Variants in PTPRD observed in about 807,000 individuals in gnomAD.
PTPRD encodes receptor-type tyrosine-protein phosphatase delta.
A neutral mutation model predicts 214.5 loss-of-function variants in PTPRD; 34 were observed. The observed-to-expected ratio is 0.16, with a 90% CI of 0.12 to 0.21. The LOEUF (loss-of-function observed/expected upper bound fraction) is 0.21, where lower values mean the gene tolerates loss of function less well. PTPRD is among the 10% of genes least tolerant of loss of function. The pLI is 1.00. For missense variants in PTPRD, 2,545 were observed against 2,398.7 expected, an observed-to-expected ratio of 1.06 and a Z score of -1.27; for synonymous variants, 1,128 against 845.7, an observed-to-expected ratio of 1.33 and a Z score of -5.79.
intron 37 of PTPRD, among the ~76,000 whole-genome samples, chr9:8,378,735 A>G (rs2084015902): frequency 6.6e-6 from 1 of 152,140 alleles, no homozygotes; most frequent in Non-Finnish European, 1.5e-5. Context: ...AGCCAGTTCA[A>G]TGCACTGAAC....
intron 10 of PTPRD, among the ~76,000 whole-genome samples, chr9:9,121,120 T>C (rs1233527260): frequency 1.3e-5 from 2 of 152,222 alleles, no homozygotes; most frequent in East Asian, 1.9e-4. Context: ...ATAATTTCTC[T>C]TGTAGTAAAC....
intron 5 of PTPRD, among the ~76,000 whole-genome samples, chr9:9,850,381 C>T (rs1278211082): frequency 6.6e-6 from 1 of 152,004 alleles, no homozygotes; most frequent in Non-Finnish European, 1.5e-5. Context: ...AGTAGTATTG[C>T]TATTGTCCTG....
intron 2 of PTPRD, among the ~76,000 whole-genome samples, chr9:10,545,923 C>T (rs555655404): frequency 2.0e-5 from 3 of 152,236 alleles, no homozygotes; most frequent in African/African-American, 7.2e-5. Flanking sequence ...TCAAATTAGG[C>T]TGGCATATTA....
At chr9:8,431,576 A>G (rs2095056824) in intron 35 of PTPRD, among the ~76,000 whole-genome samples, 1 of 152,218 alleles carries the variant, frequency 6.6e-6, no homozygotes, top group South Asian at 2.1e-4. Flanking sequence ...TAAATTTTAA[A>G]TATACTAGTC....
Position 8,359,650 on chromosome 9 carries a change from A to T in PTPRD, c.4661+16286T>A, listed in dbSNP as rs538207394. 4.6e-5 allele frequency among the ~76,000 whole-genome samples: 7 copies of T among 152,236 alleles called. No individual in the cohort carries two copies. The East Asian group carries it at 1.4e-3, about 29-fold the overall frequency. On this transcript the variant is annotated intron_variant, in intron 39 of 45. Transcript: ENST00000381196. ...CACCCGGCCAGCTATTTGAATTTTT[A>T]AAAGCCCCTAGGTGATTCTGGTGCT...
intron 11 of PTPRD, among the ~76,000 whole-genome samples, chr9:8,850,974 G>C (rs1461524246): frequency 6.6e-6 from 1 of 152,148 alleles, no homozygotes; most frequent in Non-Finnish European, 1.5e-5. Context: ...ATCAGCATTT[G>C]ATGTGTCTAG....
intron 22 of PTPRD, among the ~76,000 whole-genome samples, chr9:8,505,827 C>T (rs1019597441): frequency 6.6e-6 from 1 of 152,012 alleles, no homozygotes; most frequent in Admixed American, 6.6e-5. Flanking sequence ...TCACAATTCT[C>T]CTTTACTCTT....
At chr9:9,176,641 C>A (rs1383638116) in intron 10 of PTPRD, among the ~76,000 whole-genome samples, 2 of 152,234 alleles carry the variant, frequency 1.3e-5, no homozygotes, top group African/African-American at 2.4e-5. Flanking sequence ...TGAATGAATT[C>A]ATGCTGTTAT....
chr9:8,453,804 C>T (rs562341346), intron 33 of PTPRD, among the ~76,000 whole-genome samples: 5 of 152,250 alleles, frequency 3.3e-5, no homozygotes, highest in East Asian at 3.9e-4. Flanking sequence ...TGTGTATTTC[C>T]GTCAAGTTCC....
intron 9 of PTPRD, among the ~76,000 whole-genome samples, chr9:9,209,529 A>G (rs1264967951): frequency 6.6e-6 from 1 of 152,296 alleles, no homozygotes; most frequent in Non-Finnish European, 1.5e-5. Context: ...GTATTGTGGC[A>G]TATTTTTTAA....
At chr9:8,379,838 C>T (rs1500325) in intron 37 of PTPRD, among the ~76,000 whole-genome samples, 113,639 of 151,980 alleles carry the variant, frequency 0.75, 43,271 homozygotes, top group African/African-American at 0.9. Flanking sequence ...CAAGCGGCCT[C>T]TAGGACTGAT....
At chr9:10,367,538 TG>T (rs1312807523) in intron 2 of PTPRD, among the ~76,000 whole-genome samples, 2 of 151,990 alleles carry the variant, frequency 1.3e-5, no homozygotes, top group Non-Finnish European at 2.9e-5. Context: ...GGAAGCCCAA[TG>T]GGGAAATAAA....
chr9:9,740,506 C>T (rs1293034752), intron 6 of PTPRD, among the ~76,000 whole-genome samples: 2 of 135,606 alleles, frequency 1.5e-5, no homozygotes, highest in Admixed American at 7.1e-5. Flanking sequence ...TATAGGCGCC[C>T]GCCACCACGC....
At chr9:10,192,607 C>T (rs2099371763) in intron 3 of PTPRD, among the ~76,000 whole-genome samples, 1 of 152,032 alleles carries the variant, frequency 6.6e-6, no homozygotes, top group East Asian at 1.9e-4. Context: ...TGACTGTGCT[C>T]TCAAATTGGG....
At chr9:8,703,157 T>C (rs1214110539) in intron 12 of PTPRD, among the ~76,000 whole-genome samples, 2 of 152,222 alleles carry the variant, frequency 1.3e-5, no homozygotes, top group Non-Finnish European at 2.9e-5. Flanking sequence ...GGAAATCTAT[T>C]TAGACTTCCT....
intron 7 of PTPRD, among the ~76,000 whole-genome samples, chr9:9,732,553 G>C (rs75842889): frequency 0.015 from 2,311 of 152,218 alleles, 59 homozygotes; most frequent in African/African-American, 0.052. Context: ...GGAGGGTCCA[G>C]ATCCAACTTT....
intron 9 of PTPRD, among the ~76,000 whole-genome samples, chr9:9,185,491 G>C (rs899498123): frequency 6.6e-6 from 1 of 152,008 alleles, no homozygotes; most frequent in Non-Finnish European, 1.5e-5. Flanking sequence ...GTTAAGTTTA[G>C]TCTTGCTTGG....
At chr9:8,472,465 C>G (rs997938670) in intron 30 of PTPRD, among the ~76,000 whole-genome samples, 1 of 152,166 alleles carries the variant, frequency 6.6e-6, no homozygotes, top group African/African-American at 2.4e-5. Flanking sequence ...ACTCAGTAAA[C>G]TCTCTGTGAT....
At chr9:9,856,280 C>T (rs564544741) in intron 5 of PTPRD, among the ~76,000 whole-genome samples, 1 of 152,154 alleles carries the variant, frequency 6.6e-6, no homozygotes, top group African/African-American at 2.4e-5. Flanking sequence ...CAGGATGGTG[C>T]AGGGCTGGGC....
Sources: allele counts gnomAD v4.1 joint callset (sites outside exome capture counted in the v4.1 genomes callset), GRCh38; gene constraint gnomAD v4.1.1; transcripts MANE v1.5; gene names NCBI Gene and HGNC (gene_info 2026-07-23, HGNC 2026-07-21).